DCDC1: variants seen among roughly 807,000 people sequenced by gnomAD.
The protein encoded by DCDC1 is doublecortin domain containing 1.
DCDC1 carries 200 observed loss-of-function variants against 178.3 expected under a neutral mutation model. The observed-to-expected ratio is 1.12, with a 90% CI of 1.00 to 1.26. The LOEUF is 1.26. Ranked by LOEUF, DCDC1 falls within the 50% of genes most tolerant of loss-of-function variation. The pLI is 0.00. For synonymous variants in DCDC1, 690 were observed against 604.8 expected (o/e 1.14, Z -2.07); for missense variants, 1,983 against 1,749.2 (o/e 1.13, Z -2.38).
At chr11:31,090,725 T>C (rs1046400864) in intron 17 of DCDC1, among the ~76,000 whole-genome samples, 3 of 152,214 alleles carry the variant, frequency 2.0e-5, no homozygotes, top group Non-Finnish European at 4.4e-5. Flanking sequence ...AGCCTAAGCA[T>C]ATCCTAAGTG....
chr11:31,333,789 T>C (rs1950129344), intron 2 of DCDC1, among the ~76,000 whole-genome samples: 1 of 152,198 alleles, frequency 6.6e-6, no homozygotes, highest in Non-Finnish European at 1.5e-5. Flanking sequence ...TAACCCGACC[T>C]TTCTCTCTGG....
At chr11:31,077,322 C>A (rs1956924187) in intron 18 of DCDC1, among the ~76,000 whole-genome samples, 1 of 152,158 alleles carries the variant, frequency 6.6e-6, no homozygotes, top group Non-Finnish European at 1.5e-5. Flanking sequence ...CATTTGCCAA[C>A]CCTGCCATAT....
At chr11:30,951,764 G>T (rs1164286340) in intron 21 of DCDC1, among the ~76,000 whole-genome samples, 1 of 152,014 alleles carries the variant, frequency 6.6e-6, no homozygotes, top group Non-Finnish European at 1.5e-5. Context: ...CAAACTAGTT[G>T]ATGGGGAAAA....
intron 2 of DCDC1, among the ~76,000 whole-genome samples, chr11:31,332,886 G>A (rs1950073708): frequency 6.6e-6 from 1 of 152,194 alleles, no homozygotes; most frequent in Admixed American, 6.5e-5. Flanking sequence ...TTCTGTAGAT[G>A]TCTATTAGGT....
At chr11:31,295,663 A>G (rs1048128898) in intron 6 of DCDC1, among the ~76,000 whole-genome samples, 1 of 152,060 alleles carries the variant, frequency 6.6e-6, no homozygotes, top group African/African-American at 2.4e-5. Context: ...TCCAGTGAAC[A>G]CATGTCTTGG....
rs374322284 is a variant in DCDC1 at position 31,307,691 on chromosome 11, T to C, written c.382A>G (p.Ile128Val). 18 of 1,614,112 alleles carry C rather than the reference T, an allele frequency of 1.1e-5. No homozygotes were observed. Among genetic ancestry groups the C allele is most frequent in the Middle Eastern group, 3.3e-4 (2 of 6,062 alleles). Residue 128 changes from isoleucine to valine, a missense_variant, in exon 4 of 39, where the codon ATA (isoleucine) becomes GTA (valine). By Grantham distance (29) the Ile-to-Val change is conservative (BLOSUM62 3). Coordinates refer to ENST00000684477, the MANE Select transcript of DCDC1 (RefSeq NM_001387274.1). Reference sequence around the variant, plus strand: ...GGTCTGTTTCTCTTGGATGCTGATATAGAACAAGAATTGTTTTTACTGTTT... The same window carrying C: ...GGTCTGTTTCTCTTGGATGCTGATACAGAACAAGAATTGTTTTTACTGTTT... ...KSNSKNNSCS[I>V]SASKRNRPVS... is the part of the protein sequence containing the mutation.
chr11:30,962,651 A>T (rs1425832760), intron 20 of DCDC1, among the ~76,000 whole-genome samples: 1 of 152,082 alleles, frequency 6.6e-6, no homozygotes, highest in African/African-American at 2.4e-5. Context: ...AGTAGTACAT[A>T]TATATTTAGT....
At chr11:31,228,161 T>G (rs1420683822) in intron 9 of DCDC1, among the ~76,000 whole-genome samples, 1 of 152,078 alleles carries the variant, frequency 6.6e-6, no homozygotes, top group East Asian at 1.9e-4. Context: ...AACATTAATT[T>G]GGATATATTT....
At chr11:31,177,744 G>C (rs1968253237) in intron 9 of DCDC1, among the ~76,000 whole-genome samples, 1 of 152,062 alleles carries the variant, frequency 6.6e-6, no homozygotes, top group East Asian at 1.9e-4. Flanking sequence ...AGATAAGATA[G>C]ATTTTAAGTC....
At chr11:30,985,546 T>C (rs1466966336) in intron 20 of DCDC1, among the ~76,000 whole-genome samples, 2 of 152,200 alleles carry the variant, frequency 1.3e-5, no homozygotes, top group Non-Finnish European at 2.9e-5. Context: ...TTTTAAAACA[T>C]GTAGACATCT....
intron 9 of DCDC1, among the ~76,000 whole-genome samples, chr11:31,148,437 G>A (rs564795181): frequency 8.6e-5 from 13 of 151,830 alleles, no homozygotes; most frequent in African/African-American, 3.1e-4. Context: ...CCTGGAGGTG[G>A]AGGTTGCAGT....
At chr11:31,121,765 T>C (rs1270922399) in intron 11 of DCDC1, among the ~76,000 whole-genome samples, 1 of 151,978 alleles carries the variant, frequency 6.6e-6, no homozygotes, top group African/African-American at 2.4e-5. Context: ...AGCTTACATA[T>C]ATATGTAACA....
Position 30,903,517 on chromosome 11 carries a change from A to C in DCDC1, c.4475T>G (p.Val1492Gly). ...TTCAACAATTATCTGTTCTTTTCCA[A>C]CAGGAGCTGCATCTTGCTTTTGTTT... ...SEKQKQDAAP[V>G]GKEQIIVESM... Residue 1492 changes from valine to glycine, a missense_variant, in exon 32 of 39, where the codon GTT (valine) becomes GGT (glycine). Transcript: ENST00000684477. 6.2e-7 allele frequency: 1 copy of C among 1,602,932 alleles called. No homozygotes were observed. The highest frequency in any genetic ancestry group is 1.3e-5 in the African/African-American group (1 of 74,916).
At chr11:30,930,624 C>G (rs1314903579) in intron 22 of DCDC1, among the ~76,000 whole-genome samples, 1 of 152,106 alleles carries the variant, frequency 6.6e-6, no homozygotes, top group East Asian at 1.9e-4. Flanking sequence ...ATTTCAATCT[C>G]TTAAAATTTG....
chr11:31,000,928 T>G (rs887738572), intron 20 of DCDC1, among the ~76,000 whole-genome samples: 5 of 152,206 alleles, frequency 3.3e-5, no homozygotes, highest in Non-Finnish European at 5.9e-5. Context: ...TACATGTATA[T>G]ACAAATTTGT....
chr11:31,216,682 C>A (rs1973610698), intron 9 of DCDC1, among the ~76,000 whole-genome samples: 1 of 152,146 alleles, frequency 6.6e-6, no homozygotes, highest in African/African-American at 2.4e-5. Flanking sequence ...TCCAGCCATC[C>A]CAATGCTTAC....
At chr11:30,927,281 C>T (rs181486554) in intron 22 of DCDC1, among the ~76,000 whole-genome samples, 161 of 151,942 alleles carry the variant, frequency 1.1e-3, no homozygotes, top group Non-Finnish European at 1.6e-3. Context: ...TTAAATACTG[C>T]TGCATGTGGC....
intron 9 of DCDC1, among the ~76,000 whole-genome samples, chr11:31,184,008 G>C (rs530924122): frequency 2.0e-5 from 3 of 152,248 alleles, no homozygotes; most frequent in East Asian, 3.9e-4. Flanking sequence ...AACAAAGCTG[G>C]AGGCATCACG....
chr11:31,043,007 C>T (rs527308311), intron 20 of DCDC1, among the ~76,000 whole-genome samples: 3 of 152,186 alleles, frequency 2.0e-5, no homozygotes, highest in Non-Finnish European at 4.4e-5. Flanking sequence ...ATAGAGCGTA[C>T]TCCACAAATC....
Sources: gnomAD v4.1 joint callset for allele counts (sites outside exome capture counted in the v4.1 genomes callset) on GRCh38, gnomAD v4.1.1 for gene constraint, MANE v1.5 for transcripts, NCBI Gene and HGNC (gene_info 2026-07-23, HGNC 2026-07-21) for gene names.